LARP1: variants seen among roughly 807,000 people sequenced by gnomAD.
LARP1 encodes the protein La ribonucleoprotein 1, translational regulator.
Under a neutral mutation model 122.7 loss-of-function variants are expected in LARP1, and 36 were observed. The observed-to-expected ratio is 0.29, with a 90% CI of 0.22 to 0.39. The LOEUF (loss-of-function observed/expected upper bound fraction) is 0.39, where lower values mean the gene tolerates loss of function less well. Ranked by LOEUF, LARP1 falls within the 10% of genes least tolerant of loss-of-function variation. LARP1 has a pLI of 1.00. For synonymous variants in LARP1, 539 were observed against 528.7 expected (o/e 1.02, Z -0.27); for missense variants, 1,040 against 1,403.6 (o/e 0.74, Z 4.14).
At chr5:154,772,059 C>A (rs924458365) in intron 1 of LARP1, among the ~76,000 whole-genome samples, 1 of 152,106 alleles carries the variant, frequency 6.6e-6, no homozygotes, top group Non-Finnish European at 1.5e-5. Context: ...GTAATCTGTC[C>A]CACTAACCAG....
chr5:154,787,078 C>G (rs1756948989), intron 1 of LARP1, among the ~76,000 whole-genome samples: 1 of 152,142 alleles, frequency 6.6e-6, no homozygotes, highest in Non-Finnish European at 1.5e-5. Context: ...GGGGTTTCTC[C>G]ATGTTGCTCA....
chr5:154,757,336 G>A (rs1011445262), intron 1 of LARP1: 1 of 152,190 alleles, frequency 6.6e-6, no homozygotes, highest in African/African-American at 2.4e-5. Flanking sequence ...AGCGTGGGGG[G>A]AGAGGCGGTG....
chr5:154,746,064 C>T (rs1299603484), intron 1 of LARP1, among the ~76,000 whole-genome samples: 1 of 152,190 alleles, frequency 6.6e-6, no homozygotes, highest in Non-Finnish European at 1.5e-5. Flanking sequence ...TCCCAGAGTG[C>T]CTGGATTACA....
intron 1 of LARP1, among the ~76,000 whole-genome samples, chr5:154,749,870 A>G (rs1753394723): frequency 6.6e-6 from 1 of 152,228 alleles, no homozygotes; most frequent in African/African-American, 2.4e-5. Flanking sequence ...TTCCTTCATA[A>G]TAAGCACAGA....
intron 15 of LARP1, among the ~76,000 whole-genome samples, chr5:154,807,325 A>G (rs895993324): frequency 6.6e-6 from 1 of 152,068 alleles, no homozygotes; most frequent in African/African-American, 2.4e-5. Flanking sequence ...CTGTAGACGT[A>G]GTTTCTCCTT....
At chr5:154,721,928 T>C (rs1344369123) in intron 1 of LARP1, among the ~76,000 whole-genome samples, 7 of 152,164 alleles carry the variant, frequency 4.6e-5, no homozygotes, top group Non-Finnish European at 1.5e-5. Flanking sequence ...CCCAGCACAA[T>C]GACACAGTCA....
chr5:154,743,259 T>G (rs1323852645), intron 1 of LARP1, among the ~76,000 whole-genome samples: 2 of 152,020 alleles, frequency 1.3e-5, no homozygotes, highest in African/African-American at 4.8e-5. Flanking sequence ...ATTGTCATTA[T>G]CATTATTACT....
chr5:154,749,935 A>C (rs936797296), intron 1 of LARP1, among the ~76,000 whole-genome samples: 5 of 152,234 alleles, frequency 3.3e-5, no homozygotes, highest in African/African-American at 1.2e-4. Flanking sequence ...CCCCTCCAAT[A>C]GAATAAAATT....
chr5:154,691,739 T>C lies in LARP1; in HGVS notation c.-180+8702T>C, dbSNP rs1420506743. Among the ~76,000 whole-genome samples, 4 of 151,802 alleles carry C rather than the reference T, an allele frequency of 2.6e-5. 1 individual carries two copies. The East Asian group carries it at 7.7e-4, about 29-fold the overall frequency. ...GATAGCGCTCCTCGGCAGCCCTCGG[T>C]TCATCCCCCATAGGGCCGCGGGTGA... On this transcript the variant is annotated intron_variant, in intron 1 of 18. Transcript: ENST00000687700.
At chr5:154,791,112 C>T (rs1213489670) in intron 3 of LARP1, among the ~76,000 whole-genome samples, 3 of 150,844 alleles carry the variant, frequency 2.0e-5, no homozygotes, top group Admixed American at 6.6e-5. Flanking sequence ...CCACCGTGCC[C>T]GGCCTCTCAG....
At chr5:154,691,604 A>C (rs998933508) in intron 1 of LARP1, among the ~76,000 whole-genome samples, 4 of 152,148 alleles carry the variant, frequency 2.6e-5, no homozygotes, top group African/African-American at 7.2e-5. Context: ...GCCCCGCCCC[A>C]CTGCCCTTCG....
intron 1 of LARP1, among the ~76,000 whole-genome samples, chr5:154,715,468 C>T (rs1204364832): frequency 1.3e-5 from 2 of 151,904 alleles, no homozygotes; most frequent in African/African-American, 4.8e-5. Flanking sequence ...CTCTTGAACT[C>T]CCGACCTCAG....
chr5:154,733,457 A>C (rs561468047), intron 1 of LARP1, among the ~76,000 whole-genome samples: 41 of 152,316 alleles, frequency 2.7e-4, no homozygotes, highest in African/African-American at 9.6e-4. Context: ...AGCCTACCAA[A>C]ATGCTGGGAT....
chr5:154,744,218 T>A lies in LARP1; in HGVS notation c.205+31088T>A, dbSNP rs1753058711. Among the ~76,000 whole-genome samples the A allele has an allele frequency of 3.3e-5, 5 of 152,136 alleles. No homozygotes were observed. The South Asian group carries it at 1.0e-3, about 32-fold the overall frequency. On this transcript the variant is annotated intron_variant, in intron 1 of 18. Transcript: ENST00000336314. ...CCCTATCTCCTGCCCTCCTTTTTAA[T>A]CTCAGCAAATCCTACTTCCCAGTTT...
intron 16 of LARP1, 92 bp downstream of exon 16, chr5:154,808,695 C>T (rs1013907458): frequency 7.5e-7 from 1 of 1,328,704 alleles, no homozygotes; most frequent in Non-Finnish European, 1.0e-6. Flanking sequence ...GTTGGAAATT[C>T]CTTGCATGTG....
intron 1 of LARP1, among the ~76,000 whole-genome samples, chr5:154,789,363 G>A (rs1181175518): frequency 1.3e-5 from 2 of 151,668 alleles, no homozygotes; most frequent in East Asian, 3.9e-4. Context: ...GGGATTACGG[G>A]CGCCCACCAC....
chr5:154,713,045 C>G (rs1755301862), exon 1 of LARP1: 2 of 1,614,168 alleles, frequency 1.2e-6, no homozygotes, highest in Non-Finnish European at 1.7e-6. Flanking sequence ...ACAGCGTGGC[C>G]TTGGCAGCTG....
rs1757657168 is a variant in LARP1 at position 154,795,253 on chromosome 5, C to T, written c.1311C>T (p.Pro437=). The T allele has an allele frequency of 1.2e-6, 2 of 1,613,860 alleles. No homozygotes were observed. The highest frequency in any genetic ancestry group is 1.1e-5 in the South Asian group (1 of 91,078). Residue 437 remains proline, a synonymous_variant, in exon 8 of 19, where the codon CCC becomes CCT. Coordinates refer to ENST00000518297, the MANE Select transcript of LARP1 (RefSeq NM_033551.3). ...RRKMDADGFL[P]ITLIASFHRV... ...AAATGGATGCTGATGGTTTCCTACCCATCACCCTTATTGCTTCCTTCCACC... is the reference window on the plus strand; with the variant it reads ...AAATGGATGCTGATGGTTTCCTACCTATCACCCTTATTGCTTCCTTCCACC...
intron 1 of LARP1, among the ~76,000 whole-genome samples, chr5:154,725,271 T>A (rs555771027): frequency 1.9e-4 from 29 of 151,496 alleles, no homozygotes; most frequent in Middle Eastern, 6.8e-3. Flanking sequence ...GCGCCTGTAA[T>A]CCCAGCTACC....
Sources: gnomAD v4.1 joint callset for allele counts (sites outside exome capture counted in the v4.1 genomes callset) on GRCh38, gnomAD v4.1.1 for gene constraint, MANE v1.5 for transcripts, NCBI Gene and HGNC (gene_info 2026-07-23, HGNC 2026-07-21) for gene names.